The following KCNQ1 variants were observed in gnomAD, a reference collection of about 807,000 sequenced individuals.
The protein encoded by KCNQ1 is potassium voltage-gated channel subfamily KQT member 1.
KCNQ1 carries 49 observed loss-of-function variants against 72.4 expected under a neutral mutation model. The ratio of observed to expected loss-of-function variants is 0.68; its 90% CI spans 0.54 to 0.86. KCNQ1 has a LOEUF of 0.86. Ranked by LOEUF, KCNQ1 falls within the 40% of genes least tolerant of loss-of-function variation. The pLI, the probability that KCNQ1 is intolerant of heterozygous loss-of-function variation, is 0.00. For missense variants in KCNQ1, 790 were observed against 945.1 expected, an observed-to-expected ratio of 0.84 and a Z score of 2.15; for synonymous variants, 450 against 412.6, an observed-to-expected ratio of 1.09 and a Z score of -1.10.
chr11:2,645,075 G>A lies in KCNQ1; in HGVS notation c.1394-16886G>A, dbSNP rs983191283. 11 of 398,764 alleles carry A rather than the reference G, an allele frequency of 2.8e-5. No individual in the cohort carries two copies. In the Admixed American group the frequency reaches 3.5e-4, roughly 13 times the overall value. The allele number at this position is 398,764 out of a possible 1,614,324, so 24.7% of individuals were successfully genotyped here. ...CCAATGATGACAGAGCTGGGCCACA[G>A]GGTGGGTAGGTCCTTGAGCTCTGAG... On this transcript the variant is annotated intron_variant, in intron 10 of 15. Transcript: ENST00000155840. The surrounding 1 kb of genome is among the most constrained non-coding windows in gnomAD (Gnocchi z 5.8).
Position 2,613,928 on chromosome 11 carries a change from T to G in KCNQ1, c.1393+25074T>G, listed in dbSNP as rs1216064012. On this transcript the variant is annotated intron_variant, in intron 10 of 15. Transcript: ENST00000155840. This position sits in a 1 kb window ranked among gnomAD's most constrained non-coding sequence, Gnocchi z 4.8. The stretch of plus-strand genomic sequence containing the variant: ...AAGTACTATTCTGTATATGCCCTTT[T>G]GAACTTTGCTTTTCTCACCTAACAA... 2.5e-6 allele frequency: 1 copy of G among 398,502 alleles called. No homozygotes were observed. Among genetic ancestry groups the G allele is most frequent in the Non-Finnish European group, 4.4e-6 (1 of 226,066 alleles). 24.7% of individuals were successfully genotyped at this position (398,502 alleles called of 1,614,324 possible).
rs1478884822 is a variant in KCNQ1 at position 2,710,046 on chromosome 11, C to A, written c.1514+47965C>A. ...GTCATATGGTGACTCCATATTTAAC[C>A]TTTTGAGGATCTGCCAGACTGTTTT... On this transcript the variant is annotated intron_variant, in intron 11 of 15. Transcript: ENST00000155840. This position sits in a 1 kb window ranked among gnomAD's most constrained non-coding sequence, Gnocchi z 4.1. 6.6e-6 allele frequency among the ~76,000 whole-genome samples: 1 copy of A among 152,094 alleles called. No individual in the cohort carries two copies. The highest frequency in any genetic ancestry group is 2.4e-5 in the African/African-American group (1 of 41,408).
At chr11:2,455,344 C>T (rs538728390) in intron 1 of KCNQ1, among the ~76,000 whole-genome samples, 4 of 152,306 alleles carry the variant, frequency 2.6e-5, no homozygotes, top group Admixed American at 2.0e-4. Flanking sequence ...GTGATCCACC[C>T]GCCTTGGCCT....
At chr11:2,456,310 A>G (rs1391934376) in intron 1 of KCNQ1, among the ~76,000 whole-genome samples, 1 of 152,200 alleles carries the variant, frequency 6.6e-6, no homozygotes. Context: ...AACAAAAAAA[A>G]AAAAATTAAA....
intron 15 of KCNQ1, among the ~76,000 whole-genome samples, chr11:2,821,081 G>A (rs967422431): frequency 1.3e-5 from 2 of 152,222 alleles, no homozygotes; most frequent in Non-Finnish European, 2.9e-5. Flanking sequence ...CGGAGGCCAG[G>A]TCCGGCCTGC....
intron 15 of KCNQ1, among the ~76,000 whole-genome samples, chr11:2,845,419 C>T (rs113101311): frequency 1.3e-5 from 2 of 152,190 alleles, no homozygotes; most frequent in African/African-American, 2.4e-5. Flanking sequence ...CTCTGTGGCT[C>T]GTCCCCAAGT....
intron 15 of KCNQ1, among the ~76,000 whole-genome samples, chr11:2,823,871 A>G (rs1366039733): frequency 6.6e-6 from 1 of 152,168 alleles, no homozygotes; most frequent in Non-Finnish European, 1.5e-5. Context: ...GACAAAGCCG[A>G]GGGTGGGGTG....
chr11:2,758,677 C>T (rs780427035), intron 11 of KCNQ1, among the ~76,000 whole-genome samples: 18 of 152,222 alleles, frequency 1.2e-4, no homozygotes, highest in Middle Eastern at 3.2e-3. Context: ...AACAGGGGAA[C>T]AGGCAAACAG....
At position 2,676,856 on chromosome 11, in the gene KCNQ1, G is replaced by C. The variant is rs1439836458; in HGVS notation, c.1514+14775G>C. On this transcript the variant is annotated intron_variant, in intron 11 of 15. Transcript: ENST00000155840. The surrounding 1 kb of genome is among the most constrained non-coding windows in gnomAD (Gnocchi z 4.2). Reference sequence around the variant, plus strand: ...TGTTGTAATGACACCTGTCAGCTTTGACTGGGGAGCCCTTTCATTTCTTAG... The same window carrying C: ...TGTTGTAATGACACCTGTCAGCTTTCACTGGGGAGCCCTTTCATTTCTTAG... 5.0e-6 allele frequency: 2 copies of C among 398,516 alleles called. No homozygotes were observed. Among genetic ancestry groups the C allele is most frequent in the East Asian group, 7.1e-5 (2 of 28,088 alleles). The allele number at this position is 398,516 out of a possible 1,614,324, so 24.7% of individuals were successfully genotyped here.
Position 2,663,639 on chromosome 11 carries a change from T to G in KCNQ1, c.1514+1558T>G, listed in dbSNP as rs888782433. ...GACCAGCATCCAGACATGCAAAAAG[T>G]CCTACTGGGAGGAGAGGGCCATCAC... On this transcript the variant is annotated intron_variant, in intron 11 of 15. Transcript: ENST00000155840. The surrounding 1 kb of genome is among the most constrained non-coding windows in gnomAD (Gnocchi z 5.2). The G allele has an allele frequency of 2.5e-6, 1 of 398,530 alleles. No homozygotes were observed. The highest frequency in any genetic ancestry group is 4.4e-6 in the Non-Finnish European group (1 of 226,088). 24.7% of individuals were successfully genotyped at this position (398,530 alleles called of 1,614,324 possible).
rs1846215063 is a variant in KCNQ1 at position 2,457,562 on chromosome 11, G to A, written c.386+12078G>A. Among the ~76,000 whole-genome samples, 1 of 151,938 alleles carries A rather than the reference G, an allele frequency of 6.6e-6. No individual in the cohort carries two copies. Among genetic ancestry groups the A allele is most frequent in the African/African-American group, 2.4e-5 (1 of 41,290 alleles). ...CTGCGTGGTCTCATGGATTATAAGT[G>A]AGGGCTAAACATCAAATCCATGTGG... On this transcript the variant is annotated intron_variant, in intron 1 of 15. Transcript: ENST00000155840. This position sits in a 1 kb window ranked among gnomAD's most constrained non-coding sequence, Gnocchi z 5.0.
chr11:2,617,603 G>A lies in KCNQ1; in HGVS notation c.1393+28749G>A. ...TAGAAGAGGGATTAGTGGGTCAGAT[G>A]ATAGTATATTTTCAATTTCTTTAGG... On this transcript the variant is annotated intron_variant, in intron 10 of 15. Coordinates refer to ENST00000155840, the MANE Select transcript of KCNQ1 (RefSeq NM_000218.3). This position sits in a 1 kb window ranked among gnomAD's most constrained non-coding sequence, Gnocchi z 4.6. 2.5e-6 allele frequency: 1 copy of A among 398,406 alleles called. No individual in the cohort carries two copies. Among genetic ancestry groups the A allele is most frequent in the East Asian group, 3.6e-5 (1 of 28,052 alleles). 24.7% of individuals were successfully genotyped at this position (398,406 alleles called of 1,614,324 possible).
Position 2,462,116 on chromosome 11 carries a change from T to C in KCNQ1, c.386+16632T>C. 1 of 276,694 alleles carries C rather than the reference T, an allele frequency of 3.6e-6. No homozygotes were observed. Among genetic ancestry groups the C allele is most frequent in the Non-Finnish European group, 7.2e-6 (1 of 137,996 alleles). The allele number at this position is 276,694 out of a possible 1,614,324, so 17.1% of individuals were successfully genotyped here. ...GATTCACAAGAATCCTTCCCTGGGC[T>C]GAGGGGGCGTTGCTGTGGGTGTATC... is the stretch of plus-strand genomic sequence containing the variant. On this transcript the variant is annotated intron_variant, in intron 1 of 15. Transcript: ENST00000155840. This position sits in a 1 kb window ranked among gnomAD's most constrained non-coding sequence, Gnocchi z 8.2.
rs919257639 is a variant in KCNQ1 at position 2,537,698 on chromosome 11, G to T, written c.477+9680G>T. ...CAAAAACCTATATGGGTTTTGTGGG[G>T]TTTTTTGTTGTTGGTTTTTTATTTT... On this transcript the variant is annotated intron_variant, in intron 2 of 15. Transcript: ENST00000155840. This position sits in a 1 kb window ranked among gnomAD's most constrained non-coding sequence, Gnocchi z 5.2. 2.7e-5 allele frequency among the ~76,000 whole-genome samples: 4 copies of T among 150,840 alleles called. No individual in the cohort carries two copies. Among genetic ancestry groups the T allele is most frequent in the Non-Finnish European group, 4.4e-5 (3 of 68,012 alleles).
intron 11 of KCNQ1, chr11:2,684,862 T>G: frequency 2.5e-6 from 1 of 398,706 alleles, no homozygotes; most frequent in East Asian, 3.6e-5. Context: ...CCAGGGAGTC[T>G]GCTGAGACAA....
intron 1 of KCNQ1, among the ~76,000 whole-genome samples, chr11:2,523,420 G>A (rs1449520679): frequency 2.0e-5 from 3 of 152,038 alleles, no homozygotes; most frequent in African/African-American, 4.8e-5. Flanking sequence ...GACTGGTCTC[G>A]AACTCCTGTC....
chr11:2,814,958 G>A (rs1281383560), intron 15 of KCNQ1, among the ~76,000 whole-genome samples: 2 of 152,222 alleles, frequency 1.3e-5, no homozygotes, highest in African/African-American at 4.8e-5. Context: ...CACCTGTGCA[G>A]ACGGCCCCAG....
chr11:2,786,268 T>C (rs1846910920), intron 15 of KCNQ1, among the ~76,000 whole-genome samples: 1 of 152,168 alleles, frequency 6.6e-6, no homozygotes, highest in African/African-American at 2.4e-5. Context: ...GTTATTGAAC[T>C]ATCCTTTGGC....
rs1247110579 is a variant in KCNQ1 at position 2,723,177 on chromosome 11, G to C, written c.1515-45667G>C. Among the ~76,000 whole-genome samples the C allele has an allele frequency of 6.6e-6, 1 of 152,228 alleles. No individual in the cohort carries two copies. Among genetic ancestry groups the C allele is most frequent in the Admixed American group, 6.5e-5 (1 of 15,292 alleles). ...CGCCTTCCTCCGTGGTGGCCTGAGAGGGGTGTGGTGCTGCTTGTCCGTGGT... is the reference window on the plus strand; with the variant it reads ...CGCCTTCCTCCGTGGTGGCCTGAGACGGGTGTGGTGCTGCTTGTCCGTGGT... On this transcript the variant is annotated intron_variant, in intron 11 of 15. Coordinates refer to ENST00000155840, the MANE Select transcript of KCNQ1 (RefSeq NM_000218.3). The surrounding 1 kb of genome is among the most constrained non-coding windows in gnomAD (Gnocchi z 4.2).
Sources: allele counts gnomAD v4.1 joint callset (sites outside exome capture counted in the v4.1 genomes callset), GRCh38; gene constraint gnomAD v4.1.1; non-coding constraint Gnocchi (gnomAD v3.1); transcripts MANE v1.5; gene names NCBI Gene and HGNC (gene_info 2026-07-23, HGNC 2026-07-21).